Variants in FLT3 observed in about 807,000 individuals in gnomAD.
FLT3 encodes the protein fms related receptor tyrosine kinase 3.
FLT3 carries 46 observed loss-of-function variants against 126.6 expected under a neutral mutation model. That is an observed-to-expected ratio of 0.36 (90% CI 0.29 to 0.46). The LOEUF is 0.46. Ranked by LOEUF, FLT3 falls within the 20% of genes least tolerant of loss-of-function variation. FLT3 has a pLI of 1.00. For synonymous variants in FLT3, 404 were observed against 434.4 expected (o/e 0.93, Z 0.87); for missense variants, 1,069 against 1,190.3 (o/e 0.90, Z 1.50).
intron 1 of FLT3, among the ~76,000 whole-genome samples, chr13:28,096,109 C>T (rs983418282): frequency 1.2e-4 from 19 of 152,172 alleles, no homozygotes; most frequent in African/African-American, 4.3e-4. Context: ...AATCCCAGCA[C>T]TTTGGGAGGC....
At chr13:28,019,926 C>G (rs1872233911) in intron 19 of FLT3, among the ~76,000 whole-genome samples, 1 of 152,198 alleles carries the variant, frequency 6.6e-6, no homozygotes, top group Admixed American at 6.5e-5. Flanking sequence ...ACACCCTCAC[C>G]CAAGCCATTT....
intron 19 of FLT3, among the ~76,000 whole-genome samples, chr13:28,019,621 T>C (rs1041388607): frequency 2.0e-5 from 3 of 152,164 alleles, no homozygotes; most frequent in Non-Finnish European, 4.4e-5. Context: ...CTACCTGCAC[T>C]TTGCCCACTT....
chr13:28,054,864 A>G (rs1448021673), intron 4 of FLT3, among the ~76,000 whole-genome samples: 1 of 152,088 alleles, frequency 6.6e-6, no homozygotes, highest in Non-Finnish European at 1.5e-5. Context: ...ATGTTTCTTG[A>G]CCATTTAGGT....
At chr13:28,021,160 C>T (rs1000338328) in intron 19 of FLT3, among the ~76,000 whole-genome samples, 5 of 152,068 alleles carry the variant, frequency 3.3e-5, no homozygotes, top group African/African-American at 1.2e-4. Flanking sequence ...GAAGCCGAGG[C>T]GGGCAAATCA....
At chr13:28,083,014 T>C (rs775223187) in intron 1 of FLT3, among the ~76,000 whole-genome samples, 1 of 151,164 alleles carries the variant, frequency 6.6e-6, no homozygotes, top group Non-Finnish European at 1.5e-5. Context: ...CCAATTTTTG[T>C]ATTTTTTGTA....
intron 1 of FLT3, among the ~76,000 whole-genome samples, chr13:28,089,450 A>G (rs2137823416): frequency 6.6e-6 from 1 of 151,394 alleles, no homozygotes; most frequent in East Asian, 1.9e-4. Context: ...AAAAACTGGA[A>G]GCAAACAAAT....
chr13:28,043,940 T>G (rs925038856), intron 9 of FLT3, among the ~76,000 whole-genome samples: 1 of 151,178 alleles, frequency 6.6e-6, no homozygotes, highest in South Asian at 2.1e-4. Flanking sequence ...TGAAACCCCG[T>G]CTCTACTAAA....
intron 1 of FLT3, among the ~76,000 whole-genome samples, chr13:28,091,558 T>C (rs1879106852): frequency 6.6e-6 from 1 of 152,076 alleles, no homozygotes; most frequent in Non-Finnish European, 1.5e-5. Flanking sequence ...GGCAGTAGAC[T>C]GGGTAACTCC....
chr13:28,037,077 AG>A (rs1190417919), intron 10 of FLT3, 107 bp downstream of exon 10: 13 of 659,448 alleles, frequency 2.0e-5, no homozygotes, highest in Non-Finnish European at 3.5e-5. Context: ...GTACAAAAAC[AG>A]TTTTGTAGTA....
chr13:28,029,683 G>A (rs1566067791), intron 15 of FLT3, among the ~76,000 whole-genome samples: 1 of 152,196 alleles, frequency 6.6e-6, no homozygotes, highest in Admixed American at 6.5e-5. Flanking sequence ...CTCAGGTCTA[G>A]AACATTAGAT....
rs35958982 is a variant in FLT3 at position 28,034,336 on chromosome 13, C to T, written c.1669G>A (p.Val557Ile). 8.9e-3 allele frequency: 14,296 copies of T among 1,613,844 alleles called. 1,008 individuals are homozygous for T. In the African/African-American group the frequency reaches 0.16, roughly 18 times the overall value. Residue 557 changes from valine to isoleucine, a missense_variant, in exon 13 of 24, where the codon GTT (valine) becomes ATT (isoleucine). Coordinates refer to ENST00000241453, the MANE Select transcript of FLT3 (RefSeq NM_004119.3). ...TTGTGACAAATTAGCAGGGTTAAAA[C>T]GACAATGAAGAGGAGACAAACACCA... The part of the protein sequence containing the change: ...TIGVCLLFIV[V>I]LTLLICHKYK...
At chr13:28,083,780 A>G (rs911758476) in intron 1 of FLT3, among the ~76,000 whole-genome samples, 1 of 152,110 alleles carries the variant, frequency 6.6e-6, no homozygotes, top group Non-Finnish European at 1.5e-5. Flanking sequence ...GTTGTTAGTA[A>G]TATTTCCATA....
At chr13:28,006,419 C>T (rs796311468) in intron 23 of FLT3, among the ~76,000 whole-genome samples, 11 of 152,024 alleles carry the variant, frequency 7.2e-5, no homozygotes, top group African/African-American at 2.7e-4. Flanking sequence ...GAAGGATGAA[C>T]AGTAACTACT....
chr13:28,031,457 C>T (rs1873338130), intron 15 of FLT3, among the ~76,000 whole-genome samples: 1 of 151,972 alleles, frequency 6.6e-6, no homozygotes, highest in Non-Finnish European at 1.5e-5. Flanking sequence ...AGCACAGCAC[C>T]ACAGACACAG....
At chr13:28,050,777 C>T (rs1875370566) in intron 5 of FLT3, among the ~76,000 whole-genome samples, 2 of 151,784 alleles carry the variant, frequency 1.3e-5, no homozygotes, top group Non-Finnish European at 1.5e-5. Flanking sequence ...CAGCAGAAAG[C>T]GAACTTTTGT....
chr13:28,041,313 A>G (rs569920507), intron 9 of FLT3, among the ~76,000 whole-genome samples: 2 of 152,318 alleles, frequency 1.3e-5, no homozygotes, highest in East Asian at 3.9e-4. Context: ...AAAAAGGAGA[A>G]GAGAGGAGGT....
At chr13:28,029,206 C>T (rs1873093365) in intron 15 of FLT3, among the ~76,000 whole-genome samples, 1 of 152,194 alleles carries the variant, frequency 6.6e-6, no homozygotes, top group Admixed American at 6.5e-5. Context: ...ACCTGGCCAA[C>T]ATGGTGAAAC....
At chr13:28,023,270 T>C (rs1400174751) in intron 19 of FLT3, 80 bp downstream of exon 19, 19 of 1,450,372 alleles carry the variant, frequency 1.3e-5, no homozygotes, top group Admixed American at 2.1e-5. Context: ...GGATACAAGT[T>C]AAAATAAACA....
chr13:28,093,227 C>T (rs1415908860), intron 1 of FLT3, among the ~76,000 whole-genome samples: 7 of 143,368 alleles, frequency 4.9e-5, no homozygotes, highest in South Asian at 4.5e-4. Flanking sequence ...CACCTGGCCT[C>T]TTTTTTTTTT....
Sources: allele counts gnomAD v4.1 joint callset (sites outside exome capture counted in the v4.1 genomes callset), GRCh38; gene constraint gnomAD v4.1.1; transcripts MANE v1.5; gene names NCBI Gene and HGNC (gene_info 2026-07-23, HGNC 2026-07-21).